CR1: variants seen among roughly 807,000 people sequenced by gnomAD.
The protein encoded by CR1 is complement C3b/C4b receptor 1 (Knops blood group).
Under a neutral mutation model 187.3 loss-of-function variants are expected in CR1, and 116 were observed. The observed-to-expected ratio is 0.62, with a 90% CI of 0.53 to 0.72. CR1 has a LOEUF of 0.72. Among genes scored for constraint, CR1 ranks in the 30% least tolerant of loss-of-function variants. The probability of loss-of-function intolerance (pLI) is 0.00; values close to 1 mark genes in which losing one functional copy is unlikely to be tolerated. For synonymous variants in CR1, 576 were observed against 747.1 expected (o/e 0.77, Z 3.73); for missense variants, 1,731 against 2,110.7 (o/e 0.82, Z 3.52).
chr1:207,582,842 C>T (rs114462179), intron 32 of CR1, among the ~76,000 whole-genome samples: 3,485 of 152,244 alleles, frequency 0.023, 72 homozygotes, highest in Non-Finnish European at 0.031. Context: ...CCAGAGCAAC[C>T]GCCAGGGTAG....
intron 45 of CR1, among the ~76,000 whole-genome samples, chr1:207,623,477 C>T (rs554141617): frequency 2.0e-5 from 3 of 151,970 alleles, no homozygotes; most frequent in African/African-American, 4.8e-5. Context: ...ACCAGCTACT[C>T]GGGAGGTTGA....
At chr1:207,598,237 T>C (rs1287254813) in intron 35 of CR1, among the ~76,000 whole-genome samples, 2 of 152,148 alleles carry the variant, frequency 1.3e-5, no homozygotes, top group South Asian at 4.1e-4. Flanking sequence ...AATGGCAAAT[T>C]TTATGTTGTA....
chr1:207,500,545 T>C (rs1659234997), intron 1 of CR1, among the ~76,000 whole-genome samples: 1 of 152,212 alleles, frequency 6.6e-6, no homozygotes, highest in Non-Finnish European at 1.5e-5. Flanking sequence ...GAAAGTGGGC[T>C]GAGTCATACA....
chr1:207,566,133 T>C (rs1024428264), intron 24 of CR1, among the ~76,000 whole-genome samples: 2 of 150,420 alleles, frequency 1.3e-5, no homozygotes, highest in African/African-American at 5.0e-5. Context: ...CTGCATTCTC[T>C]GTTCTAGTGC....
At chr1:207,613,012 CG>C (rs1431267002) in intron 39 of CR1, among the ~76,000 whole-genome samples, 1 of 152,178 alleles carries the variant, frequency 6.6e-6, no homozygotes, top group Non-Finnish European at 1.5e-5. Context: ...TGGCTTGATC[CG>C]CTGCTGCTTC....
At chr1:207,499,572 A>G (rs901302792) in intron 1 of CR1, among the ~76,000 whole-genome samples, 1 of 152,220 alleles carries the variant, frequency 6.6e-6, no homozygotes, top group African/African-American at 2.4e-5. Flanking sequence ...TTCATCCACA[A>G]CAGCAGAGCA....
Position 207,629,929 on chromosome 1 carries a change from T to G in CR1, c.7353-588T>G, listed in dbSNP as rs1198224344. 2.0e-5 allele frequency among the ~76,000 whole-genome samples: 3 copies of G among 152,238 alleles called. No individual in the cohort carries two copies. The East Asian group carries it at 5.8e-4, about 29-fold the overall frequency. On this transcript the variant is annotated intron_variant, in intron 45 of 46. Transcript: ENST00000367049. ...GAGATAATAATAGTTCCTACCTTAC[T>G]TAACATAGTGCCTCATTTATGATGC...
Position 207,641,131 on chromosome 1 carries a change from T to C in CR1, c.*1722T>C, listed in dbSNP as rs1240195697. ...TATGTAAAGATACTTGATAGGACTT[T>C]TGCTTAGTTGAATCTTTAGCAAATC... On this transcript the variant is annotated 3_prime_UTR_variant, in exon 47 of 47. Coordinates refer to ENST00000367049, the MANE Select transcript of CR1 (RefSeq NM_000651.6). The C allele has an allele frequency of 6.6e-6, 1 of 152,220 alleles. No individual in the cohort carries two copies. Among genetic ancestry groups the C allele is most frequent in the Non-Finnish European group, 1.5e-5 (1 of 68,040 alleles). The allele number at this position is 152,220 out of a possible 1,614,324, so 9.4% of individuals were successfully genotyped here. A position where few individuals can be genotyped will look rare whatever the true frequency, so the allele number is the denominator to read the frequency against.
intron 28 of CR1, among the ~76,000 whole-genome samples, chr1:207,576,511 ATTAT>A (rs920028810): frequency 5.3e-5 from 8 of 152,100 alleles, no homozygotes; most frequent in African/African-American, 1.4e-4. Flanking sequence ...TTTTGTTCTT[ATTAT>A]TTAATAAAGA....
rs1255951917 is a variant in CR1 at position 207,496,323 on chromosome 1, T to A, written c.56T>A (p.Leu19His). ...CCTGTCGGGCCGCCGGCGCCCGGTC[T>A]CCCCTTCTGCTGCGGAGGATCCCTG... ...PEPVGPPAPG[L>H]PFCCGGSLLA... Residue 19 changes from leucine to histidine, a missense_variant, in exon 1 of 47, where the codon CTC (leucine) becomes CAC (histidine). Leu to His is a moderately conservative substitution (Grantham distance 99). Transcript: ENST00000367049. 1 of 1,613,470 alleles carries A rather than the reference T, an allele frequency of 6.2e-7. No individual in the cohort carries two copies. Among genetic ancestry groups the A allele is most frequent in the South Asian group, 1.1e-5 (1 of 91,068 alleles).
chr1:207,501,727 G>A (rs577246684), intron 1 of CR1, among the ~76,000 whole-genome samples: 6 of 152,186 alleles, frequency 3.9e-5, no homozygotes, highest in African/African-American at 9.6e-5. Context: ...CCTTCCTCTC[G>A]TTGCAAGCTT....
chr1:207,596,658 G>A (rs1306583396), intron 35 of CR1, among the ~76,000 whole-genome samples: 5 of 150,304 alleles, frequency 3.3e-5, no homozygotes, highest in Non-Finnish European at 7.4e-5. Flanking sequence ...TAACAAAAAT[G>A]TTTAAGAGTG....
chr1:207,601,098 G>GA (rs1388571028), intron 35 of CR1, among the ~76,000 whole-genome samples: 1 of 151,772 alleles, frequency 6.6e-6, no homozygotes, highest in East Asian at 1.9e-4. Flanking sequence ...AATGAACAAA[G>GA]AAAAAATCAT....
At chr1:207,595,338 A>G (rs967646120) in intron 35 of CR1, among the ~76,000 whole-genome samples, 4 of 152,156 alleles carry the variant, frequency 2.6e-5, no homozygotes, top group African/African-American at 7.2e-5. Flanking sequence ...ACATAATGGA[A>G]GACAATTTCT....
chr1:207,601,676 C>A (rs1376839459), intron 35 of CR1, among the ~76,000 whole-genome samples: 1 of 152,108 alleles, frequency 6.6e-6, no homozygotes, highest in Non-Finnish European at 1.5e-5. Context: ...TGATGTGGAG[C>A]ATCTTTTCTT....
At chr1:207,593,082 T>TAAAAA (rs778842599) in intron 35 of CR1, among the ~76,000 whole-genome samples, 5,688 of 58,980 alleles carry the variant, frequency 0.096, 177 homozygotes, top group Middle Eastern at 0.19. Flanking sequence ...TTCACAGAAT[T>TAAAAA]ACAAAAAAAA....
At chr1:207,521,319 A>G (rs1659985982) in intron 4 of CR1, among the ~76,000 whole-genome samples, 2 of 152,116 alleles carry the variant, frequency 1.3e-5, no homozygotes, top group African/African-American at 4.8e-5. Context: ...GTCTTGCATC[A>G]GTCTTGGAAA....
rs141546660 is a variant in CR1, at chr1:207,520,968, G to GTTTTTTTTTTTTTTTTTTTTTT, written c.488-2639_488-2618dup. 6.7e-5 allele frequency among the ~76,000 whole-genome samples: 3 copies of GTTTTTTTTTTTTTTTTTTTTTT among 44,570 alleles called. 1 individual carries two copies. Among genetic ancestry groups the GTTTTTTTTTTTTTTTTTTTTTT allele is most frequent in the African/African-American group, 1.0e-4 (1 of 9,936 alleles). The allele number at this position is 44,570 out of a possible 152,430, so 29.2% of individuals were successfully genotyped here. On this transcript the variant is annotated intron_variant, in intron 4 of 46. Coordinates refer to ENST00000367049, the MANE Select transcript of CR1 (RefSeq NM_000651.6). ...TTTGCACATTTTTTTTTTTTTGGTT[G>GTTTTTTTTTTTTTTTTTTTTTT]TTTTTTTTTTTTTTTTTTTTTTTTT... is the stretch of plus-strand genomic sequence containing the variant.
At chr1:207,577,265 C>CAAAA (rs58120393) in intron 28 of CR1, among the ~76,000 whole-genome samples, 59 of 147,292 alleles carry the variant, frequency 4.0e-4, no homozygotes, top group African/African-American at 1.4e-3. Context: ...AACAAACAAA[C>CAAAA]AAAAAAAAAA....
Sources: allele counts gnomAD v4.1 joint callset (sites outside exome capture counted in the v4.1 genomes callset), GRCh38; gene constraint gnomAD v4.1.1; transcripts MANE v1.5; gene names NCBI Gene and HGNC (gene_info 2026-07-23, HGNC 2026-07-21).